Variants in ATP4A observed in about 807,000 individuals in gnomAD.
ATP4A encodes the protein ATPase H+/K+ transporting subunit alpha, also known as potassium-transporting ATPase alpha chain 1.
ATP4A carries 73 observed loss-of-function variants against 112.1 expected under a neutral mutation model. That is an observed-to-expected ratio of 0.65 (90% CI 0.54 to 0.79). The LOEUF (loss-of-function observed/expected upper bound fraction) is 0.79, where lower values mean the gene tolerates loss of function less well. Among genes scored for constraint, ATP4A ranks in the 30% least tolerant of loss-of-function variants. The probability of loss-of-function intolerance (pLI) is 0.00; values close to 1 mark genes in which losing one functional copy is unlikely to be tolerated. For missense variants in ATP4A, 1,081 were observed against 1,425.9 expected (o/e 0.76, Z 3.90); for synonymous variants, 588 against 588.9 (o/e 1.00, Z 0.02).
At chr19:35,554,593 G>A (rs1191407406) in intron 16 of ATP4A, among the ~76,000 whole-genome samples, 2 of 152,186 alleles carry the variant, frequency 1.3e-5, no homozygotes, top group Non-Finnish European at 2.9e-5. Flanking sequence ...GTCCGTGTCT[G>A]TTTAGGGGCA....
Position 35,557,157 on chromosome 19 carries a change from G to A in ATP4A, c.1694-69C>T. 2 of 1,566,346 alleles carry A rather than the reference G, an allele frequency of 1.3e-6. No homozygotes were observed. Among genetic ancestry groups the A allele is most frequent in the Non-Finnish European group, 1.7e-6 (2 of 1,144,172 alleles). ...CTTTCTTAGCAGGGCCAGGAAATGG[G>A]TAAAATAACCAGGCCCCTTGCACCA... On this transcript the variant is annotated intron_variant, in intron 11 of 21. Coordinates refer to ENST00000262623, the MANE Select transcript of ATP4A (RefSeq NM_000704.3). The surrounding 1 kb of genome is among the most constrained non-coding windows in gnomAD (Gnocchi z 4.4).
Position 35,560,589 on chromosome 19 carries a change from G to A in ATP4A, c.561C>T (p.Asp187=). The A allele has an allele frequency of 2.5e-6, 4 of 1,611,536 alleles. No homozygotes were observed. The South Asian group carries it at 3.3e-5, about 13-fold the overall frequency. The change falls in exon 6 of 22, where the codon GAC becomes GAT. Residue 187 remains aspartate, a synonymous_variant. Transcript: ENST00000262623. The surrounding 1 kb of genome is among the most constrained non-coding windows in gnomAD (Gnocchi z 5.1). The stretch of plus-strand genomic sequence containing the variant: ...GTTGGTCAGCGTTGATCTGGAATTT[G>A]TCTCCATCGCGGATGACAGTGGCTT... ...PQQATVIRDG[D]KFQINADQLV...
In ATP4A at chr19:35,560,487, GC is replaced by G. The variant is rs1347207912; in HGVS notation, c.662del (p.Gly221AlafsTer9). On this transcript the variant is annotated frameshift_variant, in exon 6 of 22. Transcript: ENST00000262623. LOFTEE classifies it high-confidence loss of function. This position sits in a 1 kb window ranked among gnomAD's most constrained non-coding sequence, Gnocchi z 5.1. ...TCAGCGAGGAGTTGTCCACCTTGCA[GC>G]CCTGGGCCGCCAGGATGCGGATGTC... is the stretch of plus-strand genomic sequence containing the variant. Reference protein sequence around the residue: ...PADIRILAAQGCKVDNSSLTG... With the variant: ...PADIRILAAQXCKVDNSSLTG... 1 of 1,613,464 alleles carries G rather than the reference GC, an allele frequency of 6.2e-7. No individual in the cohort carries two copies. The highest frequency in any genetic ancestry group is 8.5e-7 in the Non-Finnish European group (1 of 1,180,036).
In ATP4A at chr19:35,563,237, T is replaced by C. The variant is rs758576405; in HGVS notation, c.188A>G (p.Glu63Gly). The change falls in exon 3 of 22, where the codon GAA (glutamate) becomes GGA (glycine). Residue 63 changes from glutamate (E) to glycine (G), a missense_variant. Around this residue, in one of 3 missense-constraint regions of ATP4A, gnomAD observed 850 missense variants for 1,068.2 expected, o/e 0.80. Coordinates refer to ENST00000262623, the MANE Select transcript of ATP4A (RefSeq NM_000704.3). Reference sequence around the variant, plus strand: ...GGTGGCACTGGTCTGGTATTTCTGTTCCAGCTCCGCCACTGACAGCTGGTG... The same window carrying C: ...GGTGGCACTGGTCTGGTATTTCTGTCCCAGCTCCGCCACTGACAGCTGGTG... ...NDHQLSVAELEQKYQTSATKG... is the reference protein window; with the variant it reads ...NDHQLSVAELGQKYQTSATKG... 8 of 1,613,884 alleles carry C rather than the reference T, an allele frequency of 5.0e-6. No individual in the cohort carries two copies. The highest frequency in any genetic ancestry group is 5.1e-6 in the Non-Finnish European group (6 of 1,180,018).
chr19:35,557,616 C>G lies in ATP4A; in HGVS notation c.1693+39G>C. 3.2e-6 allele frequency: 5 copies of G among 1,567,254 alleles called. No individual in the cohort carries two copies. Among genetic ancestry groups the G allele is most frequent in the Non-Finnish European group, 4.3e-6 (5 of 1,155,540 alleles). ...TGGGCAGGGTCTGTGCTAGCTCCTC[C>G]TCGCACCTGGAGTCTCCTCCCCTGC... On this transcript the variant is annotated intron_variant, in intron 11 of 21. Transcript: ENST00000262623. The surrounding 1 kb of genome is among the most constrained non-coding windows in gnomAD (Gnocchi z 4.4).
chr19:35,557,436 C>T lies in ATP4A; in HGVS notation c.1693+219G>A, dbSNP rs1434505611. Among the ~76,000 whole-genome samples the T allele has an allele frequency of 1.3e-5, 2 of 152,064 alleles. No individual in the cohort carries two copies. The highest frequency in any genetic ancestry group is 2.9e-5 in the Non-Finnish European group (2 of 68,026). ...TTGGGAGAGGTTAGAGGTCAGGATA[C>T]GGATAAAAGTCCAGGTGAGGACTGG... On this transcript the variant is annotated intron_variant, in intron 11 of 21. Coordinates refer to ENST00000262623, the MANE Select transcript of ATP4A (RefSeq NM_000704.3). The surrounding 1 kb of genome is among the most constrained non-coding windows in gnomAD (Gnocchi z 4.4).
Position 35,555,084 on chromosome 19 carries a change from G to C in ATP4A, c.2327-8C>G, listed in dbSNP as rs757172998. Reference sequence around the variant, plus strand: ...TGTCGAAGATCAGTCGACCTGTGGGGTAGGGTGGGCACCTCAGCCTCCTCA... The same window carrying C: ...TGTCGAAGATCAGTCGACCTGTGGGCTAGGGTGGGCACCTCAGCCTCCTCA... On this transcript the variant is annotated splice_polypyrimidine_tract_variant and splice_region_variant and intron_variant, in intron 15 of 21. Coordinates refer to ENST00000262623, the MANE Select transcript of ATP4A (RefSeq NM_000704.3). This position sits in a 1 kb window ranked among gnomAD's most constrained non-coding sequence, Gnocchi z 6.6. The C allele has an allele frequency of 6.2e-7, 1 of 1,612,918 alleles. No homozygotes were observed. Among genetic ancestry groups the C allele is most frequent in the South Asian group, 1.1e-5 (1 of 90,942 alleles).
chr19:35,550,584 G>C lies in ATP4A; in HGVS notation c.*31C>G, dbSNP rs1268949583. ...AGCCCTGCCCCCACCTGCTGTGGCA[G>C]TTGCAGGGATGCTTGAAGGCAGTCG... is the stretch of plus-strand genomic sequence containing the variant. On this transcript the variant is annotated 3_prime_UTR_variant, in exon 22 of 22. Coordinates refer to ENST00000262623, the MANE Select transcript of ATP4A (RefSeq NM_000704.3). This position sits in a 1 kb window ranked among gnomAD's most constrained non-coding sequence, Gnocchi z 4.1. 1.2e-6 allele frequency: 2 copies of C among 1,613,280 alleles called. No homozygotes were observed. Among genetic ancestry groups the C allele is most frequent in the African/African-American group, 2.7e-5 (2 of 74,884 alleles).
In ATP4A at chr19:35,551,093, G is replaced by A. The variant is rs374197390; in HGVS notation, c.2904C>T (p.Ile968=). 1.1e-5 allele frequency: 17 copies of A among 1,609,900 alleles called. No homozygotes were observed. The Admixed American group carries it at 1.5e-4, about 14-fold the overall frequency. ...QGFFRNKILV[I]AIVFQVCIGC... ...CGATGCAGACCTGGAACACGATGGCGATCACCAGGATCTTATTCCTGGGGG... is the reference window on the plus strand; with the variant it reads ...CGATGCAGACCTGGAACACGATGGCAATCACCAGGATCTTATTCCTGGGGG... Residue 968 remains isoleucine, a synonymous_variant, in exon 20 of 22, where the codon ATC becomes ATT. Coordinates refer to ENST00000262623, the MANE Select transcript of ATP4A (RefSeq NM_000704.3). The surrounding 1 kb of genome is among the most constrained non-coding windows in gnomAD (Gnocchi z 5.2).
rs926558113 is a variant in ATP4A at position 35,558,404 on chromosome 19, T to C, written c.1458A>G (p.Pro486=). 2.5e-6 allele frequency: 4 copies of C among 1,611,304 alleles called. No individual in the cohort carries two copies. The highest frequency in any genetic ancestry group is 1.3e-5 in the African/African-American group (1 of 74,914). ...AGTTGAAGGGTATCTCGCAGACTTTTGGGAAGCGGTCCCGGTAGCCCATGG... is the reference window on the plus strand; with the variant it reads ...AGTTGAAGGGTATCTCGCAGACTTTCGGGAAGCGGTCCCGGTAGCCCATGG... ...GNAMGYRDRF[P]KVCEIPFNST... Residue 486 remains proline, a synonymous_variant, in exon 10 of 22, where the codon CCA becomes CCG. Transcript: ENST00000262623. This position sits in a 1 kb window ranked among gnomAD's most constrained non-coding sequence, Gnocchi z 5.1.
Position 35,560,663 on chromosome 19 carries a change from G to GGGGGGGC in ATP4A, c.535-49_535-48insGCCCCCC. 5.3e-5 allele frequency: 47 copies of GGGGGGGC among 883,834 alleles called. No individual in the cohort carries two copies. The highest frequency in any genetic ancestry group is 7.5e-5 in the Non-Finnish European group (42 of 561,612). The allele number at this position is 883,834 out of a possible 1,614,324, so 54.7% of individuals were successfully genotyped here. On this transcript the variant is annotated intron_variant, in intron 5 of 21. Transcript: ENST00000262623. This position sits in a 1 kb window ranked among gnomAD's most constrained non-coding sequence, Gnocchi z 5.1. ...TTGAGGTGGACGGGGGTGGGGGTGG[G>GGGGGGGC]AGCTGCTGCATGTGGGGAGGTAAAG...
At chr19:35,553,668 C>T (rs752074709) in intron 17 of ATP4A, 38 bp downstream of exon 17, 2 of 1,607,724 alleles carry the variant, frequency 1.2e-6, no homozygotes. Flanking sequence ...CAGCGCAGAG[C>T]CCCCCACCTC....
intron 4 of ATP4A, 125 bp downstream of exon 4, chr19:35,562,310 T>C: frequency 1.7e-6 from 2 of 1,191,220 alleles, no homozygotes; most frequent in Admixed American, 2.4e-5. Context: ...GACCCCTGTC[T>C]TGAGACTGCC....
In ATP4A at chr19:35,559,823, C is replaced by T. The variant is rs201471725; in HGVS notation, c.1038G>A (p.Gly346=). The change falls in exon 7 of 22, where the codon GGG becomes GGA. Residue 346 remains glycine, a synonymous_variant. Coordinates refer to ENST00000262623, the MANE Select transcript of ATP4A (RefSeq NM_000704.3). The surrounding 1 kb of genome is among the most constrained non-coding windows in gnomAD (Gnocchi z 4.1). ...MAIVVAYVPE[G]LLATVTVCLS... is the part of the protein sequence containing the mutation. ...CACTCACTGTGACAGTGGCCAGCAG[C>T]CCCTCAGGCACATAGGCCACCACGA... The T allele has an allele frequency of 2.4e-4, 381 of 1,614,072 alleles. No homozygotes were observed. The highest frequency in any genetic ancestry group is 3.0e-4 in the Non-Finnish European group (359 of 1,179,928).
Position 35,558,838 on chromosome 19 carries a change from A to G in ATP4A, c.1256-152T>C. On this transcript the variant is annotated intron_variant, in intron 8 of 21. Transcript: ENST00000262623. This position sits in a 1 kb window ranked among gnomAD's most constrained non-coding sequence, Gnocchi z 5.1. Reference sequence around the variant, plus strand: ...CCCTGAGGGACCCAGCCCCCGGATGACCCTTCCCTCTAGACCCGGTAGCGA... The same window carrying G: ...CCCTGAGGGACCCAGCCCCCGGATGGCCCTTCCCTCTAGACCCGGTAGCGA... 1 of 1,273,788 alleles carries G rather than the reference A, an allele frequency of 7.9e-7. No homozygotes were observed. The highest frequency in any genetic ancestry group is 1.1e-6 in the Non-Finnish European group (1 of 929,810). 78.9% of individuals were successfully genotyped at this position (1,273,788 alleles called of 1,614,324 possible). A position where few individuals can be genotyped will look rare whatever the true frequency, so the allele number is the denominator to read the frequency against.
Position 35,560,115 on chromosome 19 carries a change from A to C in ATP4A, c.788-42T>G. The stretch of plus-strand genomic sequence containing the variant: ...GCGCGACTCAGGGATAGGGGGCGGC[A>C]GTGGGGTGTGCACTGCCGTGTGAGC... On this transcript the variant is annotated intron_variant, in intron 6 of 21. Coordinates refer to ENST00000262623, the MANE Select transcript of ATP4A (RefSeq NM_000704.3). This position sits in a 1 kb window ranked among gnomAD's most constrained non-coding sequence, Gnocchi z 5.1. The C allele has an allele frequency of 1.9e-6, 3 of 1,608,018 alleles. No homozygotes were observed. In the South Asian group the frequency reaches 3.3e-5, roughly 18 times the overall value.
Position 35,562,560 on chromosome 19 carries a change from C to T in ATP4A, c.295G>A (p.Glu99Lys), listed in dbSNP as rs185817713. The change falls in exon 4 of 22, where the codon GAG becomes AAG. Residue 99 changes from glutamate to lysine, a missense_variant. Glu to Lys is a moderately conservative substitution (Grantham distance 56). Coordinates refer to ENST00000262623, the MANE Select transcript of ATP4A (RefSeq NM_000704.3). ...NALRPPRGTP[E>K]YVKFARQLAG... The stretch of plus-strand genomic sequence containing the variant: ...AGCTGCCTCGCGAACTTGACGTACT[C>T]TGGGGTGCCCCGTGGTGGCCGCAGT... 3 of 1,612,740 alleles carry T rather than the reference C, an allele frequency of 1.9e-6. No homozygotes were observed. The South Asian group carries it at 3.3e-5, about 18-fold the overall frequency.
rs2071644270 is a variant in ATP4A, at chr19:35,558,208, A to G, written c.1500+154T>C. The stretch of plus-strand genomic sequence containing the variant: ...GTGGGCGGGGCCTTGCCTCTGGTGG[A>G]CGGGGCCATAGGCGGAGCGGGAGAT... On this transcript the variant is annotated intron_variant, in intron 10 of 21. Transcript: ENST00000262623. The surrounding 1 kb of genome is among the most constrained non-coding windows in gnomAD (Gnocchi z 5.1). Among the ~76,000 whole-genome samples, 1 of 149,716 alleles carries G rather than the reference A, an allele frequency of 6.7e-6. No homozygotes were observed. The highest frequency in any genetic ancestry group is 2.5e-5 in the African/African-American group (1 of 40,474).
Position 35,551,720 on chromosome 19 carries a change from G to T in ATP4A, c.2752-140C>A, listed in dbSNP as rs2071603330. The stretch of plus-strand genomic sequence containing the variant: ...TGCCTTGCATCAGAGTGTGGGGGTG[G>T]GGGGAAGGAGAGAGGCAGGGTCTGC... On this transcript the variant is annotated intron_variant, in intron 18 of 21. Coordinates refer to ENST00000262623, the MANE Select transcript of ATP4A (RefSeq NM_000704.3). The surrounding 1 kb of genome is among the most constrained non-coding windows in gnomAD (Gnocchi z 5.2). The T allele has an allele frequency of 1.7e-6, 2 of 1,166,364 alleles. No homozygotes were observed. The highest frequency in any genetic ancestry group is 2.4e-6 in the Non-Finnish European group (2 of 829,064). The allele number at this position is 1,166,364 out of a possible 1,614,324, so 72.3% of individuals were successfully genotyped here.
Sources: gnomAD v4.1 joint callset for allele counts (sites outside exome capture counted in the v4.1 genomes callset) on GRCh38, gnomAD v4.1.1 for gene constraint, gnomAD v4.1.1 regional missense constraint, Gnocchi (gnomAD v3.1) non-coding constraint, MANE v1.5 for transcripts, NCBI Gene and HGNC (gene_info 2026-07-23, HGNC 2026-07-21) for gene names.